The following DIAPH3 variants were observed in gnomAD, a reference collection of about 807,000 sequenced individuals.
DIAPH3 encodes diaphanous related formin 3, also known as protein diaphanous homolog 3.
Under a neutral mutation model 144.3 loss-of-function variants are expected in DIAPH3, and 117 were observed. That is an observed-to-expected ratio of 0.81 (90% CI 0.70 to 0.95). The LOEUF is 0.95. Among genes scored for constraint, DIAPH3 ranks in the 40% least tolerant of loss-of-function variants. The pLI is 0.00. For synonymous variants in DIAPH3, 519 were observed against 488.9 expected (o/e 1.06, Z -0.81); for missense variants, 1,421 against 1,412.7 (o/e 1.01, Z -0.09).
At chr13:59,675,541 C>T (rs1245651042) in intron 27 of DIAPH3, among the ~76,000 whole-genome samples, 2 of 152,090 alleles carry the variant, frequency 1.3e-5, no homozygotes, top group Admixed American at 6.5e-5. Context: ...CCCGCCACCA[C>T]GCCCGGCTAA....
intron 25 of DIAPH3, among the ~76,000 whole-genome samples, chr13:59,789,106 T>G (rs1456620337): frequency 1.3e-5 from 2 of 152,174 alleles, no homozygotes; most frequent in Non-Finnish European, 2.9e-5. Flanking sequence ...ACAGATGCCT[T>G]CAGTTGCAAA....
At chr13:60,127,329 G>A (rs1566802160) in intron 2 of DIAPH3, among the ~76,000 whole-genome samples, 1 of 151,086 alleles carries the variant, frequency 6.6e-6, no homozygotes, top group African/African-American at 2.4e-5. Context: ...GCTCACTTAG[G>A]AAAAAATAGA....
rs572634759 is a variant in DIAPH3 at position 59,810,501 on chromosome 13, A to T, written c.3163+287T>A. On this transcript the variant is annotated intron_variant, in intron 25 of 27. Coordinates refer to ENST00000400324, the MANE Select transcript of DIAPH3 (RefSeq NM_001042517.2). The stretch of plus-strand genomic sequence containing the variant: ...CTTTATTAACTGACATACATTATTA[A>T]AGATTGATTATTGAGGTAGTAATTA... 4.6e-5 allele frequency among the ~76,000 whole-genome samples: 7 copies of T among 152,288 alleles called. No homozygotes were observed. In the South Asian group the frequency reaches 8.3e-4, roughly 18 times the overall value.
chr13:60,027,878 C>T (rs1008339117), intron 5 of DIAPH3, among the ~76,000 whole-genome samples: 7 of 152,088 alleles, frequency 4.6e-5, no homozygotes, highest in East Asian at 1.9e-4. Flanking sequence ...GTGGAAAAGA[C>T]GTTATGGTCA....
chr13:59,978,377 A>T (rs535698307), intron 14 of DIAPH3, among the ~76,000 whole-genome samples: 2 of 151,810 alleles, frequency 1.3e-5, no homozygotes, highest in South Asian at 4.2e-4. Flanking sequence ...CAAGAAAAAA[A>T]ATTACGTTCT....
intron 12 of DIAPH3, among the ~76,000 whole-genome samples, chr13:59,990,217 C>T (rs1164845809): frequency 6.6e-6 from 1 of 151,612 alleles, no homozygotes; most frequent in Non-Finnish European, 1.5e-5. Flanking sequence ...TGATGCATGT[C>T]CTATCCTCAT....
chr13:59,796,061 T>C (rs1334726976), intron 25 of DIAPH3, among the ~76,000 whole-genome samples: 1 of 152,170 alleles, frequency 6.6e-6, no homozygotes, highest in African/African-American at 2.4e-5. Context: ...GGGGTTTGTA[T>C]TGTAAGTGAA....
At chr13:59,779,227 A>T (rs1364263932) in intron 25 of DIAPH3, among the ~76,000 whole-genome samples, 1 of 152,220 alleles carries the variant, frequency 6.6e-6, no homozygotes, top group Non-Finnish European at 1.5e-5. Flanking sequence ...AACAACTTGC[A>T]TTCTAGTCTG....
In DIAPH3 at chr13:60,042,802, G is replaced by A. The variant is rs759193958; in HGVS notation, c.514C>T (p.Arg172Ter). The change falls in exon 5 of 28, where the codon CGA becomes TGA. Residue 172 changes from arginine to a stop codon, truncating the protein, a stop_gained. Transcript: ENST00000400324. LOFTEE classifies it high-confidence loss of function. The stretch of plus-strand genomic sequence containing the variant: ...ATGAATTCCTGAGGTGAGATCTGTC[G>A]GCTTCTCTTAAGACTTCCCTATAAA... The part of the protein sequence containing the change: ...ASKTGSLKRS[R>*]QISPQEFIHE... 29 of 1,613,230 alleles carry A rather than the reference G, an allele frequency of 1.8e-5. No homozygotes were observed. In the Admixed American group the frequency reaches 2.3e-4, roughly 13 times the overall value.
At chr13:59,907,522 G>T (rs1399469499) in intron 20 of DIAPH3, among the ~76,000 whole-genome samples, 2 of 152,086 alleles carry the variant, frequency 1.3e-5, no homozygotes, top group Non-Finnish European at 2.9e-5. Flanking sequence ...ACAAAAAAAA[G>T]TCAATAATAT....
rs111655406 is a variant in DIAPH3, at chr13:60,108,336, C to T, written c.390+3674G>A. ...TTTAAAGTATGTATAAGGCCAGGCACGGTGGCTCACATCTGTAATCCCAGC... is the reference window on the plus strand; with the variant it reads ...TTTAAAGTATGTATAAGGCCAGGCATGGTGGCTCACATCTGTAATCCCAGC... On this transcript the variant is annotated intron_variant, in intron 3 of 27. Transcript: ENST00000400324. 1.4e-4 allele frequency among the ~76,000 whole-genome samples: 21 copies of T among 152,242 alleles called. 1 individual carries two copies. The South Asian group carries it at 2.5e-3, about 18-fold the overall frequency.
At chr13:59,935,389 T>C (rs1176638663) in intron 17 of DIAPH3, among the ~76,000 whole-genome samples, 1 of 152,026 alleles carries the variant, frequency 6.6e-6, no homozygotes, top group Non-Finnish European at 1.5e-5. Flanking sequence ...AGCAATATAG[T>C]AGAATGGAAT....
rs112889335 is a variant in DIAPH3, at chr13:60,119,409, C to G, written c.214-7223G>C. ...AGGCAGAACCCAACCCAGAACCACC[C>G]AGCTAAGCAACTACCAAATTCCTGA... On this transcript the variant is annotated intron_variant, in intron 2 of 27. Transcript: ENST00000400324. Among the ~76,000 whole-genome samples, 721 of 152,284 alleles carry G rather than the reference C, an allele frequency of 4.7e-3. 9 individuals are homozygous for G. The highest frequency in any genetic ancestry group is 0.017 in the Middle Eastern group (5 of 294).
At chr13:60,120,522 A>T (rs545149801) in intron 2 of DIAPH3, among the ~76,000 whole-genome samples, 1 of 152,334 alleles carries the variant, frequency 6.6e-6, no homozygotes, top group East Asian at 1.9e-4. Flanking sequence ...CCTACCAAAA[A>T]ATACTTGATT....
intron 27 of DIAPH3, among the ~76,000 whole-genome samples, chr13:59,684,022 T>G (rs1161163034): frequency 1.3e-5 from 2 of 152,018 alleles, no homozygotes; most frequent in Non-Finnish European, 1.5e-5. Flanking sequence ...AGTGAAGTTG[T>G]TGTTAATATT....
At chr13:59,739,605 TCTA>T (rs1322336613) in intron 27 of DIAPH3, among the ~76,000 whole-genome samples, 1 of 152,156 alleles carries the variant, frequency 6.6e-6, no homozygotes, top group Non-Finnish European at 1.5e-5. Context: ...ACCACAGACA[TCTA>T]CTAAATATGT....
intron 9 of DIAPH3, among the ~76,000 whole-genome samples, chr13:59,996,653 A>G (rs1188518291): frequency 2.6e-5 from 4 of 152,042 alleles, no homozygotes; most frequent in Non-Finnish European, 5.9e-5. Context: ...CAGCAATACC[A>G]TAAAGTAGGA....
intron 11 of DIAPH3, among the ~76,000 whole-genome samples, chr13:59,991,603 T>G (rs139944528): frequency 1.3e-5 from 2 of 151,894 alleles, no homozygotes; most frequent in Non-Finnish European, 1.5e-5. Context: ...GAGCTGGTGG[T>G]CAGGTTAATT....
intron 27 of DIAPH3, among the ~76,000 whole-genome samples, chr13:59,715,623 A>AG (rs145285518): frequency 6.6e-6 from 1 of 152,078 alleles, no homozygotes; most frequent in Non-Finnish European, 1.5e-5. Flanking sequence ...AAAAAAAAAA[A>AG]TCTGTTCCCC....
Sources: allele counts gnomAD v4.1 joint callset (sites outside exome capture counted in the v4.1 genomes callset), GRCh38; gene constraint gnomAD v4.1.1; transcripts MANE v1.5; gene names NCBI Gene and HGNC (gene_info 2026-07-23, HGNC 2026-07-21).